The following JAK1 variants were observed in gnomAD, a reference collection of about 807,000 sequenced individuals.
JAK1 encodes tyrosine-protein kinase JAK1.
JAK1 carries 16 observed loss-of-function variants against 136.6 expected under a neutral mutation model. That is an observed-to-expected ratio of 0.12 (90% confidence interval 0.08 to 0.18). The LOEUF (loss-of-function observed/expected upper bound fraction) is 0.18, where lower values mean the gene tolerates loss of function less well. Ranked by LOEUF, JAK1 falls within the 10% of genes least tolerant of loss-of-function variation. The pLI, the probability that JAK1 is intolerant of heterozygous loss-of-function variation, is 1.00. For missense variants in JAK1, 859 were observed against 1,450.1 expected (o/e 0.59, Z 6.62); for synonymous variants, 492 against 519.5 (o/e 0.95, Z 0.72).
chr1:65,060,134 GAA>G (rs58391330), intron 1 of JAK1, among the ~76,000 whole-genome samples: 8,610 of 142,418 alleles, frequency 0.06, 342 homozygotes, highest in Admixed American at 0.16. Context: ...GAAGATTAAA[GAA>G]AAAAAAAAAA....
At chr1:64,906,810 G>A (rs1020289945) in intron 1 of JAK1, among the ~76,000 whole-genome samples, 5 of 152,182 alleles carry the variant, frequency 3.3e-5, no homozygotes, top group African/African-American at 1.2e-4. Context: ...CAGATCTTTA[G>A]AAATATAGGG....
chr1:65,032,720 C>T lies in JAK1; in HGVS notation c.-78+11760G>A, dbSNP rs577000001. ...CTTATAAATTAGAAACTACATATGGCCATCTTCTCAGTGTCTTCATGCATC... is the reference window on the plus strand; with the variant it reads ...CTTATAAATTAGAAACTACATATGGTCATCTTCTCAGTGTCTTCATGCATC... On this transcript the variant is annotated intron_variant, in intron 2 of 25. Coordinates refer to the JAK1 transcript ENST00000671954. Among the ~76,000 whole-genome samples the T allele has an allele frequency of 5.3e-5, 8 of 152,242 alleles. No individual in the cohort carries two copies. In the South Asian group the frequency reaches 1.2e-3, roughly 24 times the overall value.
At chr1:64,853,604 G>A (rs1044509485) in intron 11 of JAK1, among the ~76,000 whole-genome samples, 12 of 152,110 alleles carry the variant, frequency 7.9e-5, no homozygotes, top group African/African-American at 2.9e-4. Flanking sequence ...ACCTACTACC[G>A]ATACTACTAG....
intron 1 of JAK1, among the ~76,000 whole-genome samples, chr1:65,065,604 T>C (rs1489562306): frequency 6.6e-6 from 1 of 151,504 alleles, no homozygotes; most frequent in African/African-American, 2.4e-5. Context: ...CAGGAGACCC[T>C]TGGGTCCCTG....
intron 1 of JAK1, among the ~76,000 whole-genome samples, chr1:65,066,190 A>G (rs1386941019): frequency 6.6e-6 from 1 of 152,154 alleles, no homozygotes; most frequent in East Asian, 1.9e-4. Flanking sequence ...GCGTGCGGGT[A>G]GCAGAGTGAG....
At chr1:64,965,128 G>A (rs1052061448) in intron 1 of JAK1, among the ~76,000 whole-genome samples, 1 of 152,082 alleles carries the variant, frequency 6.6e-6, no homozygotes, top group African/African-American at 2.4e-5. Flanking sequence ...TAAAAAAATA[G>A]CCAAAACCAA....
intron 24 of JAK1, among the ~76,000 whole-genome samples, 194 bp from the exon 25 acceptor site, chr1:64,834,851 A>C (rs1654370842): frequency 6.6e-6 from 1 of 152,228 alleles, no homozygotes; most frequent in Admixed American, 6.5e-5. Flanking sequence ...TAATATTTTA[A>C]CATTTGAGAA....
intron 17 of JAK1, among the ~76,000 whole-genome samples, chr1:64,842,167 C>G (rs183592955): frequency 6.6e-6 from 1 of 152,152 alleles, no homozygotes; most frequent in Non-Finnish European, 1.5e-5. Context: ...TTATATAACT[C>G]TATCTAGCAT....
rs1485171066 is a variant in JAK1, at chr1:64,911,709, G to A, written c.-77-25368C>T. ...CTAAGTTCTTTCTCCTTTCCAGTAA[G>A]AGCAATAAAAGTTGAAAACATTTTC... On this transcript the variant is annotated intron_variant, in intron 1 of 24. Coordinates refer to ENST00000342505, the MANE Select transcript of JAK1 (RefSeq NM_002227.4). 3.3e-5 allele frequency among the ~76,000 whole-genome samples: 5 copies of A among 152,170 alleles called. No homozygotes were observed. In the East Asian group the frequency reaches 9.6e-4, roughly 29 times the overall value.
upstream of JAK1, among the ~76,000 whole-genome samples, chr1:64,968,646 C>G (rs1646421135): frequency 6.6e-6 from 1 of 151,986 alleles, no homozygotes; most frequent in South Asian, 2.1e-4. Context: ...AACAAACAAA[C>G]AAAGGCCAGG....
chr1:64,900,800 C>A (rs1557676465), intron 1 of JAK1, among the ~76,000 whole-genome samples: 1 of 152,292 alleles, frequency 6.6e-6, no homozygotes. Context: ...GCTTACAAGG[C>A]TACTTGTAAT....
At chr1:64,967,283 C>G (rs1049419554), upstream of JAK1, among the ~76,000 whole-genome samples, 2 of 152,140 alleles carry the variant, frequency 1.3e-5, no homozygotes, top group South Asian at 4.1e-4. Context: ...ATTTTATTTC[C>G]TTAGGTATCT....
intron 1 of JAK1, among the ~76,000 whole-genome samples, chr1:65,063,242 G>A (rs1032448521): frequency 6.6e-6 from 1 of 152,288 alleles, no homozygotes; most frequent in Non-Finnish European, 1.5e-5. Flanking sequence ...TGTCACAATT[G>A]TTACTTTGCC....
intron 2 of JAK1, among the ~76,000 whole-genome samples, chr1:65,043,235 T>C (rs776564228): frequency 2.6e-5 from 4 of 152,162 alleles, no homozygotes; most frequent in Non-Finnish European, 5.9e-5. Flanking sequence ...GAATATAATA[T>C]AAAGTCCTAA....
intron 20 of JAK1, among the ~76,000 whole-genome samples, chr1:64,838,871 C>T (rs561843122): frequency 2.6e-5 from 4 of 152,136 alleles, no homozygotes; most frequent in African/African-American, 9.6e-5. Context: ...TCGGGCTGGG[C>T]GCGGTGGCTC....
chr1:64,865,580 C>T lies in JAK1; in HGVS notation c.991-608G>A, dbSNP rs867561505. Among the ~76,000 whole-genome samples, 13 of 152,306 alleles carry T rather than the reference C, an allele frequency of 8.5e-5. 2 individuals are homozygous for T. The Middle Eastern group carries it at 0.01, about 120-fold the overall frequency. ...AATTACTTAACTAGTTACATCATCT[C>T]TTTGAGCCTCATTTTCCTTATTCAT... On this transcript the variant is annotated intron_variant, in intron 7 of 24. Transcript: ENST00000342505.
intron 1 of JAK1, among the ~76,000 whole-genome samples, chr1:64,928,472 G>C (rs934869747): frequency 1.3e-5 from 2 of 152,080 alleles, no homozygotes; most frequent in Non-Finnish European, 2.9e-5. Flanking sequence ...GTGCATTCAT[G>C]TGCCTACACA....
intron 15 of JAK1, 54 bp downstream of exon 15, chr1:64,845,459 C>T: frequency 6.2e-7 from 1 of 1,609,506 alleles, no homozygotes. Context: ...TGCCACCCCT[C>T]CCAGGACACT....
intron 1 of JAK1, among the ~76,000 whole-genome samples, chr1:64,943,179 G>A (rs1386629934): frequency 2.0e-5 from 3 of 151,948 alleles, no homozygotes; most frequent in Non-Finnish European, 4.4e-5. Context: ...GGAATACCTG[G>A]GCTCTCCTAA....
Sources: allele counts gnomAD v4.1 joint callset (sites outside exome capture counted in the v4.1 genomes callset), GRCh38; gene constraint gnomAD v4.1.1; transcripts MANE v1.5; gene names NCBI Gene and HGNC (gene_info 2026-07-23, HGNC 2026-07-21).